The following SPOCK3 variants were observed in gnomAD, a reference collection of about 807,000 sequenced individuals.
SPOCK3 encodes the protein testican-3.
A neutral mutation model predicts 56.6 loss-of-function variants in SPOCK3; 30 were observed. That is an observed-to-expected ratio of 0.53 (90% CI 0.40 to 0.72). The LOEUF (loss-of-function observed/expected upper bound fraction) is 0.72, where lower values mean the gene tolerates loss of function less well. Among genes scored for constraint, SPOCK3 ranks in the 30% least tolerant of loss-of-function variants. The pLI is 0.00. For missense variants in SPOCK3, 527 were observed against 530.0 expected, an observed-to-expected ratio of 0.99 and a Z score of 0.06; for synonymous variants, 196 against 183.3, an observed-to-expected ratio of 1.07 and a Z score of -0.56.
chr4:166,923,270 C>T (rs1738707194), intron 4 of SPOCK3, among the ~76,000 whole-genome samples: 1 of 152,196 alleles, frequency 6.6e-6, no homozygotes, highest in Admixed American at 6.5e-5. Flanking sequence ...TTAGGTCTCA[C>T]CCTGATAATC....
intron 4 of SPOCK3, among the ~76,000 whole-genome samples, chr4:166,948,605 C>T (rs891005599): frequency 6.6e-6 from 1 of 151,996 alleles, no homozygotes; most frequent in Non-Finnish European, 1.5e-5. Flanking sequence ...ATTTGTATTT[C>T]CTGATGATTA....
intron 2 of SPOCK3, among the ~76,000 whole-genome samples, chr4:167,104,868 TGGG>T (rs1423088972): frequency 1.3e-5 from 2 of 149,398 alleles, no homozygotes; most frequent in Non-Finnish European, 3.0e-5. Flanking sequence ...GACACACAAT[TGGG>T]CTCCAAAACA....
intron 3 of SPOCK3, among the ~76,000 whole-genome samples, chr4:167,061,620 T>C (rs1755616089): frequency 6.6e-6 from 1 of 151,890 alleles, no homozygotes; most frequent in Admixed American, 6.6e-5. Flanking sequence ...CATAGCAAAA[T>C]ACTCTGAGCT....
chr4:167,161,313 A>G (rs1765283089), intron 2 of SPOCK3, among the ~76,000 whole-genome samples: 2 of 152,328 alleles, frequency 1.3e-5, no homozygotes, highest in East Asian at 1.9e-4. Context: ...TGGCCATCAG[A>G]GAAATGCAAA....
chr4:166,775,404 G>C (rs1739416261), intron 7 of SPOCK3, among the ~76,000 whole-genome samples: 1 of 152,122 alleles, frequency 6.6e-6, no homozygotes, highest in African/African-American at 2.4e-5. Context: ...GACATTTACT[G>C]AGTTGAGAAA....
intron 8 of SPOCK3, among the ~76,000 whole-genome samples, chr4:166,745,828 G>GT (rs1431651535): frequency 3.3e-5 from 5 of 152,086 alleles, no homozygotes; most frequent in Non-Finnish European, 5.9e-5. Flanking sequence ...AAAAAGCAGG[G>GT]TTGCAATCCT....
intron 2 of SPOCK3, among the ~76,000 whole-genome samples, chr4:167,159,612 C>T (rs1410811226): frequency 6.6e-6 from 1 of 152,082 alleles, no homozygotes; most frequent in Non-Finnish European, 1.5e-5. Flanking sequence ...GACCAATATC[C>T]CTGATGAACA....
At chr4:167,199,391 C>T (rs1028106132) in intron 2 of SPOCK3, among the ~76,000 whole-genome samples, 2 of 151,904 alleles carry the variant, frequency 1.3e-5, no homozygotes, top group African/African-American at 4.8e-5. Flanking sequence ...ATGGCAGCTG[C>T]CTAACCCAAA....
chr4:166,802,957 A>G (rs771778557), intron 6 of SPOCK3, among the ~76,000 whole-genome samples: 1 of 152,158 alleles, frequency 6.6e-6, no homozygotes, highest in Non-Finnish European at 1.5e-5. Context: ...ATAGAGGGAC[A>G]GATTTGGAGT....
chr4:166,735,557 A>G (rs1382696461), intron 10 of SPOCK3, among the ~76,000 whole-genome samples: 1 of 152,074 alleles, frequency 6.6e-6, no homozygotes, highest in Non-Finnish European at 1.5e-5. Context: ...ATCCTGAATT[A>G]CCCAGGTGGA....
chr4:167,172,339 G>A (rs909849353), intron 2 of SPOCK3, among the ~76,000 whole-genome samples: 4 of 152,002 alleles, frequency 2.6e-5, no homozygotes, highest in Non-Finnish European at 2.9e-5. Flanking sequence ...TTTTAGTTTC[G>A]CAGTTTGGAA....
chr4:166,884,870 AAC>A (rs34910996), intron 6 of SPOCK3, among the ~76,000 whole-genome samples: 13,231 of 147,348 alleles, frequency 0.09, 824 homozygotes, highest in East Asian at 0.38. Flanking sequence ...AAACTGGTTA[AAC>A]ACACACACAC....
intron 2 of SPOCK3, among the ~76,000 whole-genome samples, chr4:167,232,953 C>A (rs1321637498): frequency 6.6e-6 from 1 of 152,138 alleles, no homozygotes; most frequent in East Asian, 1.9e-4. Flanking sequence ...AACTCATCTC[C>A]ACGTAGTGCA....
intron 6 of SPOCK3, among the ~76,000 whole-genome samples, chr4:166,807,290 G>A (rs1743268749): frequency 6.7e-6 from 1 of 149,912 alleles, no homozygotes; most frequent in Admixed American, 6.6e-5. Context: ...TTGGGACTGA[G>A]TGACTATGCA....
intron 4 of SPOCK3, among the ~76,000 whole-genome samples, chr4:166,923,589 T>C (rs1444584085): frequency 6.6e-6 from 1 of 152,188 alleles, no homozygotes; most frequent in African/African-American, 2.4e-5. Context: ...TCACATCTAA[T>C]GGAAAAACGT....
chr4:167,054,305 T>C (rs974532545), intron 3 of SPOCK3, among the ~76,000 whole-genome samples: 1 of 152,210 alleles, frequency 6.6e-6, no homozygotes, highest in African/African-American at 2.4e-5. Context: ...AATGGAAAGA[T>C]GTGAATATTT....
At chr4:167,129,753 G>T (rs188004761) in intron 2 of SPOCK3, among the ~76,000 whole-genome samples, 1 of 152,016 alleles carries the variant, frequency 6.6e-6, no homozygotes, top group African/African-American at 2.4e-5. Flanking sequence ...CACAGTGAAA[G>T]AACCTAGATA....
chr4:167,167,294 C>T (rs946053564), intron 2 of SPOCK3, among the ~76,000 whole-genome samples: 13 of 152,092 alleles, frequency 8.5e-5, no homozygotes, highest in African/African-American at 2.9e-4. Flanking sequence ...GAGTGTAATT[C>T]CTTTGCCATT....
chr4:166,896,621 T>C (rs918854745), intron 5 of SPOCK3, among the ~76,000 whole-genome samples: 5 of 151,998 alleles, frequency 3.3e-5, no homozygotes, highest in Non-Finnish European at 7.4e-5. Flanking sequence ...TGTGGATGAG[T>C]GGGGGTCAGA....
Sources: gnomAD v4.1 joint callset for allele counts (sites outside exome capture counted in the v4.1 genomes callset) on GRCh38, gnomAD v4.1.1 for gene constraint, MANE v1.5 for transcripts, NCBI Gene and HGNC (gene_info 2026-07-23, HGNC 2026-07-21) for gene names.